Variants in NEBL observed in about 807,000 individuals in gnomAD.
NEBL encodes nebulette, also known as LIM and SH3 protein 2.
In NEBL, 122 loss-of-function variants were observed where a neutral mutation model predicts 140.2. The observed-to-expected ratio is 0.87, with a 90% confidence interval of 0.75 to 1.01. The LOEUF is 1.01. Ranked by LOEUF, NEBL falls within the 50% of genes least tolerant of loss-of-function variation. NEBL has a pLI of 0.00. For missense variants in NEBL, 1,365 were observed against 1,231.3 expected (o/e 1.11, Z -1.62); for synonymous variants, 436 against 398.9 (o/e 1.09, Z -1.11).
In NEBL at chr10:20,782,435, G is replaced by A. The variant is rs1835093263; in HGVS notation, c.*3312C>T. ...ACTGGAGATGGATGAACCTGAAAAC[G>A]AGGTACATCCCTTGAACTTCCACTA... On this transcript the variant is annotated 3_prime_UTR_variant, in exon 28 of 28. Transcript: ENST00000377122. The A allele has an allele frequency of 6.6e-6, 1 of 152,540 alleles. No homozygotes were observed. Among genetic ancestry groups the A allele is most frequent in the Non-Finnish European group, 1.5e-5 (1 of 68,026 alleles). 9.4% of individuals were successfully genotyped at this position (152,540 alleles called of 1,614,324 possible).
At position 21,169,070 on chromosome 10, in the gene NEBL, ATATAT is replaced by A. The variant is rs1564534604; in HGVS notation, c.164+3308_164+3312del. Among the ~76,000 whole-genome samples, 315 of 44,196 alleles carry A rather than the reference ATATAT, an allele frequency of 7.1e-3. 2 individuals are homozygous for A. The highest frequency in any genetic ancestry group is 0.01 in the Non-Finnish European group (257 of 25,106). The allele number at this position is 44,196 out of a possible 152,430, so 29.0% of individuals were successfully genotyped here. Reference sequence around the variant, plus strand: ...TCTACAAAAAAAAAAAAAAAAAAATATATATATATATATATATATATATATATATA... The same window carrying A: ...TCTACAAAAAAAAAAAAAAAAAAATAATATATATATATATATATATATATA... On this transcript the variant is annotated intron_variant, in intron 2 of 6. Coordinates refer to the NEBL transcript ENST00000417816.
intron 11 of NEBL, among the ~76,000 whole-genome samples, chr10:20,847,134 G>T (rs1842022631): frequency 6.6e-6 from 1 of 152,040 alleles, no homozygotes; most frequent in East Asian, 1.9e-4. Context: ...TAAGACAAAT[G>T]ATTCTCTTTA....
intron 2 of NEBL, among the ~76,000 whole-genome samples, chr10:21,085,716 A>C (rs1222344121): frequency 1.3e-5 from 2 of 152,180 alleles, no homozygotes. Flanking sequence ...AATTTTCTAC[A>C]TAAATATTAA....
chr10:21,001,056 C>T lies in NEBL; in HGVS notation c.249+19061G>A, dbSNP rs184642343. Among the ~76,000 whole-genome samples, 1,182 of 152,228 alleles carry T rather than the reference C, an allele frequency of 7.8e-3. 15 individuals carry two copies. The highest frequency in any genetic ancestry group is 0.027 in the African/African-American group (1,109 of 41,550). On this transcript the variant is annotated intron_variant, in intron 3 of 6. Transcript: ENST00000417816. ...GTTCCCTCAGGAAACCAATGCAGGT[C>T]CCCATGAGCTTGTATAGATCCTCCC...
At chr10:21,022,530 G>C (rs754801161) in intron 2 of NEBL, among the ~76,000 whole-genome samples, 32 of 152,170 alleles carry the variant, frequency 2.1e-4, no homozygotes, top group Non-Finnish European at 3.5e-4. Context: ...TCCCATATAA[G>C]CCAATGTTCC....
intron 3 of NEBL, among the ~76,000 whole-genome samples, chr10:21,017,837 T>TC (rs1408814070): frequency 2.6e-5 from 4 of 151,046 alleles, no homozygotes; most frequent in African/African-American, 9.8e-5. Context: ...TTTTTTTTTT[T>TC]CCCCAAAATA....
At chr10:20,910,826 T>C (rs2131462828) in intron 4 of NEBL, among the ~76,000 whole-genome samples, 1 of 46,468 alleles carries the variant, frequency 2.2e-5, no homozygotes, top group East Asian at 5.6e-4. Flanking sequence ...TTTTTCGTTT[T>C]TGTTTTTTTT....
intron 3 of NEBL, among the ~76,000 whole-genome samples, chr10:21,011,388 C>G (rs748046068): frequency 2.0e-5 from 3 of 152,212 alleles, no homozygotes; most frequent in Non-Finnish European, 2.9e-5. Context: ...CCGTACCACA[C>G]GGAAGTGGAA....
chr10:21,062,686 C>G (rs1835357264), intron 2 of NEBL, among the ~76,000 whole-genome samples: 1 of 150,752 alleles, frequency 6.6e-6, no homozygotes, highest in South Asian at 2.1e-4. Context: ...GATCCTGTCT[C>G]TAAAAAAAAA....
chr10:20,890,633 G>A (rs1015027028), intron 2 of NEBL, among the ~76,000 whole-genome samples: 7 of 152,190 alleles, frequency 4.6e-5, no homozygotes, highest in African/African-American at 1.7e-4. Flanking sequence ...AGATCAGCAA[G>A]ACAAAGCCCA....
chr10:21,130,990 C>T (rs1839078074), intron 2 of NEBL, among the ~76,000 whole-genome samples: 1 of 151,806 alleles, frequency 6.6e-6, no homozygotes, highest in Non-Finnish European at 1.5e-5. Flanking sequence ...AATCAATAAG[C>T]CTCTAGCCAG....
At chr10:21,246,604 G>C (rs1842519696) in intron 3 of NEBL, among the ~76,000 whole-genome samples, 1 of 151,946 alleles carries the variant, frequency 6.6e-6, no homozygotes, top group African/African-American at 2.4e-5. Context: ...CTAGTGCTTT[G>C]GGAGGCCAAG....
intron 3 of NEBL, among the ~76,000 whole-genome samples, chr10:21,192,292 C>T (rs1460331513): frequency 1.3e-5 from 2 of 151,314 alleles, no homozygotes; most frequent in East Asian, 4.0e-4. Context: ...CCTGGGTTCA[C>T]ACCATTCTCC....
At chr10:20,935,567 G>A (rs533154076) in intron 4 of NEBL, among the ~76,000 whole-genome samples, 20 of 152,294 alleles carry the variant, frequency 1.3e-4, no homozygotes, top group African/African-American at 4.6e-4. Context: ...ACTGTGCAAT[G>A]AGAGACTGAT....
chr10:20,971,607 C>T (rs1589092684), intron 3 of NEBL, among the ~76,000 whole-genome samples: 1 of 127,880 alleles, frequency 7.8e-6, no homozygotes, highest in East Asian at 2.9e-4. Flanking sequence ...TCCCCCAACC[C>T]TAGAATTTTT....
intron 26 of NEBL, among the ~76,000 whole-genome samples, chr10:20,799,953 C>T (rs549744733): frequency 8.8e-5 from 13 of 147,414 alleles, no homozygotes; most frequent in Middle Eastern, 3.5e-3. Context: ...GTGTGTGAGA[C>T]GGAGAAAGAG....
chr10:21,213,588 A>G lies in NEBL; in HGVS notation n.348+34333T>C, dbSNP rs530652511. 3.3e-5 allele frequency among the ~76,000 whole-genome samples: 5 copies of G among 152,314 alleles called. No individual in the cohort carries two copies. The East Asian group carries it at 9.6e-4, about 29-fold the overall frequency. On this transcript the variant is annotated intron_variant and non_coding_transcript_variant, in intron 3 of 8. Coordinates refer to the NEBL transcript ENST00000675702. ...AATAGCCAGGAAGTGTTAATGAGGC[A>G]TTCATGAAGATGCTCTCAGGACTTA...
chr10:20,819,216 C>T, intron 20 of NEBL: 1 of 935,432 alleles, frequency 1.1e-6, no homozygotes. Context: ...CTCCCTCCTC[C>T]CATCCTCTCC....
chr10:21,272,364 G>A (rs375109321), intron 1 of NEBL, among the ~76,000 whole-genome samples: 5 of 152,010 alleles, frequency 3.3e-5, no homozygotes, highest in Admixed American at 6.6e-5. Context: ...ATGGAGGATC[G>A]CTTGAGGCCA....
Sources: allele counts gnomAD v4.1 joint callset (sites outside exome capture counted in the v4.1 genomes callset), GRCh38; gene constraint gnomAD v4.1.1; transcripts MANE v1.5; gene names NCBI Gene and HGNC (gene_info 2026-07-23, HGNC 2026-07-21).